The following ASAP2 variants were observed in gnomAD, a reference collection of about 807,000 sequenced individuals.
ASAP2 encodes the protein arf-GAP with SH3 domain, ANK repeat and PH domain-containing protein 2.
In ASAP2, 45 loss-of-function variants were observed where a neutral mutation model predicts 131.4. The observed-to-expected ratio is 0.34, with a 90% CI of 0.27 to 0.44. The LOEUF (loss-of-function observed/expected upper bound fraction) is 0.44, where lower values mean the gene tolerates loss of function less well. ASAP2 is among the 20% of genes least tolerant of loss of function. The pLI is 1.00. For missense variants in ASAP2, 1,011 were observed against 1,297.0 expected (o/e 0.78, Z 3.39); for synonymous variants, 510 against 503.0 (o/e 1.01, Z -0.19).
intron 3 of ASAP2, among the ~76,000 whole-genome samples, chr2:9,301,950 T>A (rs967035963): frequency 1.1e-4 from 16 of 149,320 alleles, no homozygotes; most frequent in Admixed American, 4.0e-4. Context: ...CAGCCTCACA[T>A]GTAGCTGGGA....
chr2:9,263,075 C>G (rs1384762345), intron 1 of ASAP2, among the ~76,000 whole-genome samples: 1 of 152,078 alleles, frequency 6.6e-6, no homozygotes, highest in Non-Finnish European at 1.5e-5. Context: ...AGCTCGGCTG[C>G]CTTCTGCATC....
intron 18 of ASAP2, among the ~76,000 whole-genome samples, chr2:9,377,753 C>T (rs1390461951): frequency 6.6e-6 from 1 of 152,114 alleles, no homozygotes; most frequent in African/African-American, 2.4e-5. Flanking sequence ...CATTTTGTGT[C>T]CTCTGCTTTT....
At chr2:9,258,332 G>GTTTTTTTTTTTTT (rs769009726) in intron 1 of ASAP2, among the ~76,000 whole-genome samples, 1 of 112,546 alleles carries the variant, frequency 8.9e-6, no homozygotes, top group Non-Finnish European at 1.8e-5. Flanking sequence ...GTAATCAGTA[G>GTTTTTTTTTTTTT]TTGTTTTTTT....
rs142049447 is a variant in ASAP2, at chr2:9,343,831, C to T, written c.850-701C>T. On this transcript the variant is annotated intron_variant, in intron 9 of 27. Transcript: ENST00000281419. ...GCCCTGGGTGTTCATTGCTAGTCCT[C>T]GCTTACCCTAAGAAGCTGATAGGCT... Among the ~76,000 whole-genome samples the T allele has an allele frequency of 1.0e-3, 156 of 152,262 alleles. 1 individual carries two copies. Among genetic ancestry groups the T allele is most frequent in the Non-Finnish European group, 4.4e-4 (30 of 68,008 alleles).
intron 11 of ASAP2, chr2:9,350,542 C>T (rs1672259400): frequency 2.9e-6 from 1 of 340,538 alleles, no homozygotes; most frequent in South Asian, 1.2e-4. Context: ...AGCCTCAAAG[C>T]TGGCATCGCT....
In ASAP2 at chr2:9,268,855, C is replaced by G. The variant is rs1185573336; in HGVS notation, c.127-10462C>G. On this transcript the variant is annotated intron_variant, in intron 1 of 27. Transcript: ENST00000281419. The surrounding 1 kb of genome is among the most constrained non-coding windows in gnomAD (Gnocchi z 4.1). ...CAGGCCTCTGCTCTCCCCAGGGCAGCATCTTCGGGTTCTAAGAAGGAAGCC... is the reference window on the plus strand; with the variant it reads ...CAGGCCTCTGCTCTCCCCAGGGCAGGATCTTCGGGTTCTAAGAAGGAAGCC... Among the ~76,000 whole-genome samples the G allele has an allele frequency of 1.3e-5, 2 of 152,318 alleles. No homozygotes were observed. The highest frequency in any genetic ancestry group is 6.5e-5 in the Admixed American group (1 of 15,308).
At chr2:9,385,081 C>T (rs568276141) in intron 20 of ASAP2, among the ~76,000 whole-genome samples, 164 bp from the exon 21 acceptor site, 22 of 152,328 alleles carry the variant, frequency 1.4e-4, no homozygotes, top group African/African-American at 4.6e-4. Context: ...TTCAAGGTTA[C>T]GCTGTGAAGT....
At chr2:9,365,947 TCCA>T (rs1466760590) in intron 15 of ASAP2, among the ~76,000 whole-genome samples, 1 of 152,068 alleles carries the variant, frequency 6.6e-6, no homozygotes, top group Non-Finnish European at 1.5e-5. Flanking sequence ...CTCTCCTCCA[TCCA>T]GTCTGGCTCA....
intron 21 of ASAP2, among the ~76,000 whole-genome samples, chr2:9,387,812 G>A (rs1450314378): frequency 6.6e-6 from 1 of 152,094 alleles, no homozygotes; most frequent in South Asian, 2.1e-4. Context: ...AAAAGAAAGA[G>A]GTCTAATTCA....
At chr2:9,303,230 A>C (rs1016510633) in intron 3 of ASAP2, among the ~76,000 whole-genome samples, 3 of 152,216 alleles carry the variant, frequency 2.0e-5, no homozygotes, top group Non-Finnish European at 4.4e-5. Flanking sequence ...ACTATGCTGA[A>C]ATCTAGAGAC....
At chr2:9,255,568 G>A (rs1340273617) in intron 1 of ASAP2, among the ~76,000 whole-genome samples, 2 of 152,246 alleles carry the variant, frequency 1.3e-5, no homozygotes, top group African/African-American at 4.8e-5. Context: ...CTGGTTCTGT[G>A]TGTCCTTGCC....
At chr2:9,208,582 G>A (rs1424460213) in intron 1 of ASAP2, among the ~76,000 whole-genome samples, 1 of 152,074 alleles carries the variant, frequency 6.6e-6, no homozygotes, top group African/African-American at 2.4e-5. Context: ...AATATAACTT[G>A]GGTAGCCTTC....
chr2:9,222,685 C>G (rs567570045), intron 1 of ASAP2, among the ~76,000 whole-genome samples: 2 of 152,130 alleles, frequency 1.3e-5, no homozygotes, highest in African/African-American at 4.8e-5. Context: ...TTGCCTTGGT[C>G]GCAGCCTGCC....
intron 11 of ASAP2, among the ~76,000 whole-genome samples, chr2:9,347,487 C>G (rs1265409576): frequency 3.3e-5 from 5 of 152,180 alleles, no homozygotes; most frequent in Non-Finnish European, 5.9e-5. Context: ...AAGAGCAGAG[C>G]CTGGCACATA....
chr2:9,405,177 T>C lies in ASAP2; in HGVS notation c.*1850T>C, dbSNP rs898016882. 1 of 152,262 alleles carries C rather than the reference T, an allele frequency of 6.6e-6. No homozygotes were observed. The highest frequency in any genetic ancestry group is 6.5e-5 in the Admixed American group (1 of 15,278). The allele number at this position is 152,262 out of a possible 1,614,324, so 9.4% of individuals were successfully genotyped here. A position where few individuals can be genotyped will look rare whatever the true frequency, so the allele number is the denominator to read the frequency against. The stretch of plus-strand genomic sequence containing the variant: ...GGAAATATTTTTCCAGTCTACAATT[T>C]GGTGCTATTGTGCAGTAACTAATAG... On this transcript the variant is annotated 3_prime_UTR_variant, in exon 28 of 28. Coordinates refer to ENST00000281419, the MANE Select transcript of ASAP2 (RefSeq NM_003887.3).
chr2:9,333,056 C>CA (rs1244342534), intron 7 of ASAP2, among the ~76,000 whole-genome samples: 2 of 152,230 alleles, frequency 1.3e-5, no homozygotes, highest in Non-Finnish European at 2.9e-5. Flanking sequence ...GGCCACGCTG[C>CA]AGTGTTTTCA....
intron 7 of ASAP2, among the ~76,000 whole-genome samples, chr2:9,330,333 G>T (rs912103498): frequency 6.6e-6 from 1 of 152,126 alleles, no homozygotes; most frequent in African/African-American, 2.4e-5. Flanking sequence ...GACAAATATC[G>T]CATGTTCCCA....
At chr2:9,276,751 G>A (rs1005062985) in intron 1 of ASAP2, among the ~76,000 whole-genome samples, 1 of 152,094 alleles carries the variant, frequency 6.6e-6, no homozygotes, top group East Asian at 1.9e-4. Flanking sequence ...TGTTGGCTAG[G>A]CTGGCCTCGA....
chr2:9,326,726 T>C (rs1466595468), intron 6 of ASAP2, among the ~76,000 whole-genome samples: 1 of 152,214 alleles, frequency 6.6e-6, no homozygotes, highest in Non-Finnish European at 1.5e-5. Flanking sequence ...GATGTCCATG[T>C]CAGAAATTTT....
Sources: allele counts gnomAD v4.1 joint callset (sites outside exome capture counted in the v4.1 genomes callset), GRCh38; gene constraint gnomAD v4.1.1; non-coding constraint Gnocchi (gnomAD v3.1); transcripts MANE v1.5; gene names NCBI Gene and HGNC (gene_info 2026-07-23, HGNC 2026-07-21).